The following NADSYN1 variants were observed in gnomAD, a reference collection of about 807,000 sequenced individuals.
NADSYN1 encodes glutamine-dependent NAD(+) synthetase.
NADSYN1 carries 80 observed loss-of-function variants against 99.3 expected under a neutral mutation model. The ratio of observed to expected loss-of-function variants is 0.81; its 90% CI spans 0.67 to 0.97. The LOEUF (loss-of-function observed/expected upper bound fraction) is 0.97, where lower values mean the gene tolerates loss of function less well. Ranked by LOEUF, NADSYN1 falls within the 50% of genes least tolerant of loss-of-function variation. The pLI is 0.00. For synonymous variants in NADSYN1, 385 were observed against 372.1 expected (o/e 1.03, Z -0.40); for missense variants, 859 against 948.5 (o/e 0.91, Z 1.24).
At chr11:71,492,945 T>C (rs1186087208) in intron 18 of NADSYN1, among the ~76,000 whole-genome samples, 4 of 151,624 alleles carry the variant, frequency 2.6e-5, no homozygotes, top group Non-Finnish European at 5.9e-5. Flanking sequence ...GGAGTTGCAG[T>C]GGCACAATCT....
intron 9 of NADSYN1, chr11:71,476,937 T>A (rs1949671279): frequency 2.0e-6 from 2 of 991,186 alleles, no homozygotes; most frequent in African/African-American, 3.5e-5. Context: ...TTCCTGATGT[T>A]GCCTGAGAGC....
chr11:71,501,502 C>T lies in NADSYN1; in HGVS notation c.*150C>T. The T allele has an allele frequency of 1.5e-6, 1 of 668,722 alleles. No homozygotes were observed. 41.4% of individuals were successfully genotyped at this position (668,722 alleles called of 1,614,324 possible). A position where few individuals can be genotyped will look rare whatever the true frequency, so the allele number is the denominator to read the frequency against. ...GGGAGGGAACTTTTCAGTCAAATTC[C>T]TCAAAAAGAGGCTGGAATAAAGCCT... On this transcript the variant is annotated 3_prime_UTR_variant, in exon 21 of 21. Coordinates refer to ENST00000319023, the MANE Select transcript of NADSYN1 (RefSeq NM_018161.5).
chr11:71,487,881 G>A (rs1267756729), intron 16 of NADSYN1, among the ~76,000 whole-genome samples: 8 of 149,176 alleles, frequency 5.4e-5, no homozygotes, highest in Admixed American at 1.3e-4. Flanking sequence ...AAACGTAAAC[G>A]TAATCCCTCA....
At chr11:71,475,257 C>G (rs192597525) in intron 9 of NADSYN1, 2 of 155,048 alleles carry the variant, frequency 1.3e-5, no homozygotes, top group Admixed American at 1.3e-4. Context: ...CCACGCTGCC[C>G]CTGAGTCCTG....
In NADSYN1 at chr11:71,478,469, G is replaced by T; in HGVS notation, c.873G>T (p.Ala291=). The T allele has an allele frequency of 6.2e-7, 1 of 1,600,642 alleles. No homozygotes were observed. The change falls in exon 10 of 21, where the codon GCG becomes GCT. Residue 291 remains alanine (A), a splice_region_variant and synonymous_variant. Transcript: ENST00000319023. ...CGGAGATTTCATCTCGAAACCTGGC[G>T]GTGAGTGCTCCAGTAGACACCTGTG... ...YRAEISSRNL[A]ASRASPYPRV...
intron 3 of NADSYN1, chr11:71,461,008 T>G (rs1212312204): frequency 6.6e-6 from 1 of 152,228 alleles, no homozygotes; most frequent in Non-Finnish European, 1.5e-5. Context: ...TGTTTGTTGG[T>G]GATTTATAAC....
chr11:71,473,485 C>A, intron 7 of NADSYN1, 84 bp from the exon 8 acceptor site: 1 of 1,528,324 alleles, frequency 6.5e-7, no homozygotes, highest in Non-Finnish European at 9.0e-7. Flanking sequence ...CTGGGAGCTG[C>A]CGTGGGAGAG....
At chr11:71,476,297 C>T (rs1949665131) in intron 9 of NADSYN1, 2 of 356,992 alleles carry the variant, frequency 5.6e-6, no homozygotes, top group South Asian at 4.2e-5. Flanking sequence ...GGCGGTAGCA[C>T]CGGAGGCGAG....
intron 20 of NADSYN1, 69 bp from the exon 21 acceptor site, chr11:71,501,233 G>A (rs909460010): frequency 1.7e-5 from 24 of 1,382,280 alleles, no homozygotes; most frequent in Middle Eastern, 2.1e-4. Flanking sequence ...CTTTTGGTGC[G>A]TGCCAGTGTT....
intron 10 of NADSYN1, chr11:71,480,394 G>C (rs887502820): frequency 4.1e-6 from 1 of 243,552 alleles, no homozygotes; most frequent in Admixed American, 5.1e-5. Flanking sequence ...GGCTGGTCTC[G>C]AACTCCTGAC....
At position 71,501,445 on chromosome 11, in the gene NADSYN1, G is replaced by T; in HGVS notation, c.*93G>T. 1 of 1,288,286 alleles carries T rather than the reference G, an allele frequency of 7.8e-7. No homozygotes were observed. The highest frequency in any genetic ancestry group is 1.8e-4 in the Middle Eastern group (1 of 5,410). The allele number at this position is 1,288,286 out of a possible 1,614,324, so 79.8% of individuals were successfully genotyped here. Reference sequence around the variant, plus strand: ...GCCAAGGGTAGGAGCCCTACACTAGGAGCCCAGGATGGGACGGCGCATCAG... The same window carrying T: ...GCCAAGGGTAGGAGCCCTACACTAGTAGCCCAGGATGGGACGGCGCATCAG... On this transcript the variant is annotated 3_prime_UTR_variant, in exon 21 of 21. Coordinates refer to ENST00000319023, the MANE Select transcript of NADSYN1 (RefSeq NM_018161.5).
intron 16 of NADSYN1, among the ~76,000 whole-genome samples, chr11:71,488,998 G>A (rs761963000): frequency 3.9e-5 from 6 of 152,052 alleles, no homozygotes; most frequent in Admixed American, 6.5e-5. Context: ...CCTGGCCAGC[G>A]CGCCCACAGC....
intron 16 of NADSYN1, 75 bp downstream of exon 16, chr11:71,485,723 T>C: frequency 8.9e-7 from 1 of 1,118,192 alleles, no homozygotes; most frequent in East Asian, 2.6e-5. Flanking sequence ...CGCTGTGAGA[T>C]TCTATCATCC....
At position 71,473,675 on chromosome 11, in the gene NADSYN1, G is replaced by C. The variant is rs1304766496; in HGVS notation, c.655G>C (p.Val219Leu). The C allele has an allele frequency of 1.2e-6, 2 of 1,611,942 alleles. No homozygotes were observed. The highest frequency in any genetic ancestry group is 3.3e-5 in the Admixed American group (2 of 59,948). Residue 219 changes from valine to leucine, a missense_variant, in exon 8 of 21, where the codon GTC becomes CTC. Physicochemically the swap from Val to Leu is conservative, Grantham distance 32 (BLOSUM62 1). Coordinates refer to ENST00000319023, the MANE Select transcript of NADSYN1 (RefSeq NM_018161.5). ...CACCAGGGTGGATCTCGTGACTATG[G>C]TCACCAGCAAGGTAGGGGCTGGGCC... ...ANTRVDLVTM[V>L]TSKNGGIYLL...
chr11:71,454,096 G>C (rs1949497900), intron 1 of NADSYN1, among the ~76,000 whole-genome samples: 2 of 152,240 alleles, frequency 1.3e-5, no homozygotes, highest in African/African-American at 4.8e-5. Context: ...TGCAGGTGTA[G>C]TCAGGTTGCA....
intron 17 of NADSYN1, 149 bp from the exon 18 acceptor site, chr11:71,491,685 C>T (rs1949780079): frequency 2.9e-6 from 2 of 688,208 alleles, no homozygotes; most frequent in Admixed American, 2.5e-5. Flanking sequence ...CTGGAAAGCC[C>T]AGCACCGCAA....
At chr11:71,473,916 A>G (rs1161177944) in intron 8 of NADSYN1, among the ~76,000 whole-genome samples, 1 of 152,236 alleles carries the variant, frequency 6.6e-6, no homozygotes. Context: ...CCTCTCTGCC[A>G]TGACCAGGAA....
At chr11:71,474,342 G>C in intron 8 of NADSYN1, 53 bp from the exon 9 acceptor site, 1 of 1,610,084 alleles carries the variant, frequency 6.2e-7, no homozygotes, top group Admixed American at 1.7e-5. Context: ...CAGGTGGCAG[G>C]TGAGGGTGGT....
At chr11:71,456,197 C>T (rs763985339) in intron 2 of NADSYN1, among the ~76,000 whole-genome samples, 1 of 152,246 alleles carries the variant, frequency 6.6e-6, no homozygotes, top group Non-Finnish European at 1.5e-5. Context: ...AGGCATCTTT[C>T]TCTAAGTCCT....
Sources: gnomAD v4.1 joint callset for allele counts (sites outside exome capture counted in the v4.1 genomes callset) on GRCh38, gnomAD v4.1.1 for gene constraint, MANE v1.5 for transcripts, NCBI Gene and HGNC (gene_info 2026-07-23, HGNC 2026-07-21) for gene names.